The following QRICH2 variants were observed in gnomAD, a reference collection of about 807,000 sequenced individuals.
QRICH2 encodes the protein glutamine rich 2, also known as glutamine-rich protein 2.
In QRICH2, 119 loss-of-function variants were observed where a neutral mutation model predicts 168.3. The observed-to-expected ratio is 0.71, with a 90% CI of 0.61 to 0.82. The LOEUF (loss-of-function observed/expected upper bound fraction) is 0.82, where lower values mean the gene tolerates loss of function less well. Ranked by LOEUF, QRICH2 falls within the 40% of genes least tolerant of loss-of-function variation. The pLI is 0.00. For synonymous variants in QRICH2, 894 were observed against 951.2 expected, an observed-to-expected ratio of 0.94 and a Z score of 1.11; for missense variants, 2,241 against 2,491.6, an observed-to-expected ratio of 0.90 and a Z score of 2.14.
chr17:76,303,375 G>C (rs1257281736), intron 3 of QRICH2, among the ~76,000 whole-genome samples: 4 of 152,156 alleles, frequency 2.6e-5, no homozygotes, highest in African/African-American at 9.7e-5. Context: ...CTCAAAGTTG[G>C]CTTGCTTGTT....
chr17:76,276,608 C>T, intron 17 of QRICH2, 72 bp downstream of exon 17: 1 of 1,146,906 alleles, frequency 8.7e-7, no homozygotes, highest in East Asian at 2.4e-5. Flanking sequence ...CATAAAAGTG[C>T]CAGGCCCCAC....
Position 76,279,128 on chromosome 17 carries a change from G to A in QRICH2, c.4829C>T (p.Thr1610Ile), listed in dbSNP as rs760676331. 8.7e-6 allele frequency: 14 copies of A among 1,613,168 alleles called. No homozygotes were observed. The South Asian group carries it at 1.4e-4, about 16-fold the overall frequency. The stretch of plus-strand genomic sequence containing the variant: ...CCCAGGTAGGCCTGGACCCGCGGGG[G>A]TCACGGGGATGGCACTGGGCAGGGA... ...TPVTGHAIPV[T>I]PAGPGLPGHH... The change falls in exon 14 of 19, where the codon ACC becomes ATC. Residue 1610 changes from threonine (T) to isoleucine (I), a missense_variant. Physicochemically the swap from Thr to Ile is moderately conservative, Grantham distance 89. Transcript: ENST00000680821.
At chr17:76,282,162 G>A (rs187770997) in intron 7 of QRICH2, 47 bp from the exon 8 acceptor site, 26 of 1,557,184 alleles carry the variant, frequency 1.7e-5, no homozygotes, top group Middle Eastern at 2.0e-4. Context: ...GGCCAGTCAC[G>A]GCCACGCTCT....
In QRICH2 at chr17:76,279,105, C is replaced by G. The variant is rs1385172976; in HGVS notation, c.4852G>C (p.Gly1618Arg). Residue 1618 changes from glycine (G) to arginine (R), a missense_variant, in exon 14 of 19, where the codon GGG becomes CGG. Gly to Arg is a moderately radical substitution (Grantham distance 125, BLOSUM62 -2). This residue lies in a region of QRICH2 where 2,047 missense variants were observed against 2,303.8 expected (regional missense o/e 0.89). Transcript: ENST00000680821. ...GTGTAGGGGCGGATGGAATGGTGCC[C>G]AGGTAGGCCTGGACCCGCGGGGGTC... ...PVTPAGPGLP[G>R]HHSIRPYTVF... The G allele has an allele frequency of 1.2e-6, 2 of 1,613,804 alleles. No individual in the cohort carries two copies. Among genetic ancestry groups the G allele is most frequent in the Admixed American group, 3.3e-5 (2 of 60,000 alleles).
upstream of QRICH2, chr17:76,309,636 TAC>T: frequency 6.6e-6 from 1 of 152,372 alleles, no homozygotes; most frequent in East Asian, 1.9e-4. Context: ...ACTGAACACG[TAC>T]AGATTCCTGT....
Position 76,292,023 on chromosome 17 carries a change from C to T in QRICH2, c.2704G>A (p.Val902Ile), listed in dbSNP as rs533353580. ...IQPGADQPGL[V>I]QPGAGQLGMV... The stretch of plus-strand genomic sequence containing the variant: ...CCCAGCTGACCTGCACCAGGCTGGA[C>T]CAAACCAGGCTGATCTGCACCAGGT... The change falls in exon 4 of 19, where the codon GTC (valine) becomes ATC (isoleucine). Residue 902 changes from valine (V) to isoleucine (I), a missense_variant. Physicochemically the swap from Val to Ile is conservative, Grantham distance 29. Around this residue, in one of 3 missense-constraint regions of QRICH2, gnomAD observed 2,047 missense variants for 2,303.8 expected, o/e 0.89. Coordinates refer to ENST00000680821, the MANE Select transcript of QRICH2 (RefSeq NM_001388453.1). 2.5e-6 allele frequency: 4 copies of T among 1,614,204 alleles called. No individual in the cohort carries two copies. The highest frequency in any genetic ancestry group is 1.7e-5 in the Admixed American group (1 of 60,018).
Position 76,291,745 on chromosome 17 carries a change from G to C in QRICH2, c.2982C>G (p.Phe994Leu), listed in dbSNP as rs1331594085. The change falls in exon 4 of 19, where the codon TTC (phenylalanine) becomes TTG (leucine). Residue 994 changes from phenylalanine to leucine, a missense_variant. Phe to Leu is a conservative substitution (Grantham distance 22, BLOSUM62 0). This residue lies in a region of QRICH2 where 2,047 missense variants were observed against 2,303.8 expected (regional missense o/e 0.89). Transcript: ENST00000680821. ...PGTKLRGSST[F>L]QADSTGFISV... ...ATATAAAACCTGTAGAATCTGCCTG[G>C]AATGTTGAAGAGCCACGAAGCTTTG... is the stretch of plus-strand genomic sequence containing the variant. The C allele has an allele frequency of 6.2e-7, 1 of 1,614,180 alleles. No individual in the cohort carries two copies. Among genetic ancestry groups the C allele is most frequent in the East Asian group, 2.2e-5 (1 of 44,886 alleles).
chr17:76,293,506 A>G lies in QRICH2; in HGVS notation c.1221T>C (p.Thr407=). The G allele has an allele frequency of 1.9e-6, 3 of 1,614,222 alleles. No homozygotes were observed. Among genetic ancestry groups the G allele is most frequent in the Non-Finnish European group, 2.5e-6 (3 of 1,180,032 alleles). ...TGAGGGGTACCACACCATGTGGGTA[A>G]GTGCTAGCAGGCACTAATCCAGGCT... The part of the protein sequence containing the change: ...MNQPGLVPAS[T]YPHGVVPLSM... The change falls in exon 4 of 19, where the codon ACT becomes ACC. Residue 407 remains threonine (T), a synonymous_variant. Coordinates refer to ENST00000680821, the MANE Select transcript of QRICH2 (RefSeq NM_001388453.1).
Position 76,286,832 on chromosome 17 carries a change from G to A in QRICH2, c.4011+360C>T, listed in dbSNP as rs377140038. ...GGAGGTTGCAGTGAGCCAAGATGGC[G>A]ACACTGCACTACAGCCTGGATGACG... On this transcript the variant is annotated intron_variant, in intron 7 of 18. Transcript: ENST00000680821. Among the ~76,000 whole-genome samples the A allele has an allele frequency of 8.4e-5, 12 of 142,562 alleles. No individual in the cohort carries two copies. The East Asian group carries it at 1.2e-3, about 14-fold the overall frequency. 93.5% of individuals were successfully genotyped at this position (142,562 alleles called of 152,430 possible).
chr17:76,302,356 G>A (rs1272199261), intron 3 of QRICH2, among the ~76,000 whole-genome samples: 1 of 146,690 alleles, frequency 6.8e-6, no homozygotes, highest in Admixed American at 7.0e-5. Flanking sequence ...ACTTCAAGGT[G>A]TTTGTTCTGA....
chr17:76,277,855 AC>A (rs1340872196), intron 15 of QRICH2, 133 bp downstream of exon 15: 1 of 944,762 alleles, frequency 1.1e-6, no homozygotes, highest in Admixed American at 2.0e-5. Flanking sequence ...CCTCGCCCAC[AC>A]TTTCTCTCAC....
rs373283479 is a variant in QRICH2 at position 76,307,487 on chromosome 17, G to A, written c.512C>T (p.Ala171Val). ...VRTGSIMKDA[A>V]EELSFARVLL... ...CACCCTGGCAAAGCTGAGCTCCTCG[G>A]CGGCGTCCTTCATGATACTCCCAGT... Residue 171 changes from alanine to valine, a missense_variant, in exon 1 of 19, where the codon GCC becomes GTC. By Grantham distance (64) the Ala-to-Val change is moderately conservative (BLOSUM62 0). Transcript: ENST00000680821. The surrounding 1 kb of genome is among the most constrained non-coding windows in gnomAD (Gnocchi z 5.3). The A allele has an allele frequency of 5.0e-6, 8 of 1,613,824 alleles. No individual in the cohort carries two copies. Among genetic ancestry groups the A allele is most frequent in the Non-Finnish European group, 6.8e-6 (8 of 1,179,848 alleles).
At chr17:76,299,818 T>G (rs963703072) in intron 3 of QRICH2, among the ~76,000 whole-genome samples, 2 of 152,012 alleles carry the variant, frequency 1.3e-5, no homozygotes, top group African/African-American at 4.8e-5. Context: ...ACTTTCACTT[T>G]TTTAAAGCCA....
rs930406036 is a variant in QRICH2 at position 76,281,168 on chromosome 17, G to A, written c.4264-215C>T. Among the ~76,000 whole-genome samples the A allele has an allele frequency of 1.3e-5, 2 of 152,122 alleles. No individual in the cohort carries two copies. Among genetic ancestry groups the A allele is most frequent in the African/African-American group, 4.8e-5 (2 of 41,424 alleles). On this transcript the variant is annotated intron_variant, in intron 8 of 18. Coordinates refer to ENST00000680821, the MANE Select transcript of QRICH2 (RefSeq NM_001388453.1). The surrounding 1 kb of genome is among the most constrained non-coding windows in gnomAD (Gnocchi z 4.4). ...TTCAAGAACAGCCTGGGCAACATAG[G>A]GAGACCCTGTCTCAAAAACAATGGA... is the stretch of plus-strand genomic sequence containing the variant.
intron 3 of QRICH2, among the ~76,000 whole-genome samples, chr17:76,299,849 C>T (rs1394394910): frequency 2.0e-5 from 3 of 150,074 alleles, no homozygotes; most frequent in East Asian, 3.9e-4. Context: ...TTTTTTGAGA[C>T]GGAGTTTCGC....
At chr17:76,301,181 C>T (rs190857650) in intron 3 of QRICH2, among the ~76,000 whole-genome samples, 109 of 152,224 alleles carry the variant, frequency 7.2e-4, no homozygotes, top group African/African-American at 2.5e-3. Flanking sequence ...GGTACCACTG[C>T]ACTCCAGCCT....
chr17:76,287,732 G>T, intron 6 of QRICH2, 68 bp downstream of exon 6: 1 of 1,195,194 alleles, frequency 8.4e-7, no homozygotes, highest in Non-Finnish European at 1.3e-6. Flanking sequence ...GCCACTGGCC[G>T]CCATCACCTC....
At chr17:76,284,161 C>CT (rs1419798976) in intron 7 of QRICH2, among the ~76,000 whole-genome samples, 1 of 81,654 alleles carries the variant, frequency 1.2e-5, no homozygotes, top group Non-Finnish European at 2.0e-5. Flanking sequence ...GAGCAAAACT[C>CT]TGTCTCCAAA....
rs751876002 is a variant in QRICH2 at position 76,293,719 on chromosome 17, T to C, written c.1008A>G (p.Lys336=). 9.3e-5 allele frequency: 150 copies of C among 1,614,022 alleles called. No homozygotes were observed. The highest frequency in any genetic ancestry group is 1.2e-4 in the Non-Finnish European group (147 of 1,180,038). Reference sequence around the variant, plus strand: ...TACTCCTGTGACGATCTGAGTCTGATTTGAATTGGAATGTAGAAGACTGAT... The same window carrying C: ...TACTCCTGTGACGATCTGAGTCTGACTTGAATTGGAATGTAGAAGACTGAT... ...RLHQSSTFQF[K]SDSDRHRSRE... The change falls in exon 4 of 19, where the codon AAA becomes AAG. Residue 336 remains lysine (K), a synonymous_variant. Transcript: ENST00000680821.
Sources: gnomAD v4.1 joint callset for allele counts (sites outside exome capture counted in the v4.1 genomes callset) on GRCh38, gnomAD v4.1.1 for gene constraint, gnomAD v4.1.1 regional missense constraint, Gnocchi (gnomAD v3.1) non-coding constraint, MANE v1.5 for transcripts, NCBI Gene and HGNC (gene_info 2026-07-23, HGNC 2026-07-21) for gene names.